Variants in BIN1 observed in about 807,000 individuals in gnomAD.
BIN1 encodes the protein myc box-dependent-interacting protein 1.
In BIN1, 53 loss-of-function variants were observed where a neutral mutation model predicts 82.0. The ratio of observed to expected loss-of-function variants is 0.65; its 90% confidence interval spans 0.52 to 0.81. The LOEUF is 0.81. BIN1 is among the 40% of genes least tolerant of loss of function. The pLI, the probability that BIN1 is intolerant of heterozygous loss-of-function variation, is 0.00. For synonymous variants in BIN1, 302 were observed against 328.0 expected (o/e 0.92, Z 0.86); for missense variants, 642 against 784.4 (o/e 0.82, Z 2.17).
At position 127,068,479 on chromosome 2, in the gene BIN1, C is replaced by T. The variant is rs1685443932; in HGVS notation, c.520-224G>A. ...CAAAAGGTGAGCGTGGTTAGCAGCA[C>T]AGGGGGCCCAGCAAGCACGGCCCTG... On this transcript the variant is annotated intron_variant, in intron 6 of 18. Coordinates refer to ENST00000316724, the MANE Select transcript of BIN1 (RefSeq NM_139343.3). This position sits in a 1 kb window ranked among gnomAD's most constrained non-coding sequence, Gnocchi z 4.9. 1.3e-5 allele frequency among the ~76,000 whole-genome samples: 2 copies of T among 152,144 alleles called. No individual in the cohort carries two copies. The highest frequency in any genetic ancestry group is 2.1e-4 in the South Asian group (1 of 4,834).
intron 2 of BIN1, among the ~76,000 whole-genome samples, chr2:127,073,782 C>A (rs2105110423): frequency 6.6e-6 from 1 of 152,318 alleles, no homozygotes; most frequent in African/African-American, 2.4e-5. Flanking sequence ...GCCCTGCAGC[C>A]TGGAAAGCTA....
At chr2:127,052,789 C>T (rs893473994) in intron 14 of BIN1, 28 of 264,012 alleles carry the variant, frequency 1.1e-4, no homozygotes, top group Admixed American at 2.0e-4. Context: ...GGACAGAGCC[C>T]AGGAGACCCT....
In BIN1 at chr2:127,096,823, C is replaced by T. The variant is rs1679662998; in HGVS notation, c.84+10037G>A. Among the ~76,000 whole-genome samples, 7 of 152,360 alleles carry T rather than the reference C, an allele frequency of 4.6e-5. No homozygotes were observed. The South Asian group carries it at 1.2e-3, about 27-fold the overall frequency. On this transcript the variant is annotated intron_variant, in intron 1 of 18. Transcript: ENST00000316724. ...GGCCCCTGCTTGCCCTGGACTCAGG[C>T]ATCTTGGCCTCAGCCCCAGAGAGAT...
In BIN1 at chr2:127,099,852, G is replaced by A. The variant is rs148808028; in HGVS notation, c.84+7008C>T. Among the ~76,000 whole-genome samples the A allele has an allele frequency of 2.4e-3, 358 of 150,216 alleles. 2 individuals carry two copies. The highest frequency in any genetic ancestry group is 8.5e-3 in the African/African-American group (344 of 40,664). ...GGAGTCTCGCTCTGTCGCCCAGGCCGGAGTGCAGTGGTGTGATCTCAGCTC... is the reference window on the plus strand; with the variant it reads ...GGAGTCTCGCTCTGTCGCCCAGGCCAGAGTGCAGTGGTGTGATCTCAGCTC... On this transcript the variant is annotated intron_variant, in intron 1 of 18. Transcript: ENST00000316724.
intron 13 of BIN1, 57 bp from the exon 14 acceptor site, chr2:127,053,502 G>A (rs1283183145): frequency 2.5e-5 from 40 of 1,602,114 alleles, no homozygotes; most frequent in South Asian, 1.7e-4. Flanking sequence ...GAGACAGGGC[G>A]GCAAGCAGTC....
rs1439794090 is a variant in BIN1 at position 127,082,652 on chromosome 2, G to A, written c.85-5946C>T. The stretch of plus-strand genomic sequence containing the variant: ...GAGCCAGTCTGAGGACAGTCCCGCA[G>A]ATCCCATAGTCACCTAGTTCCCCAG... On this transcript the variant is annotated intron_variant, in intron 1 of 18. Coordinates refer to ENST00000316724, the MANE Select transcript of BIN1 (RefSeq NM_139343.3). This position sits in a 1 kb window ranked among gnomAD's most constrained non-coding sequence, Gnocchi z 6.1. Among the ~76,000 whole-genome samples the A allele has an allele frequency of 6.6e-6, 1 of 152,138 alleles. No homozygotes were observed. Among genetic ancestry groups the A allele is most frequent in the Admixed American group, 6.5e-5 (1 of 15,278 alleles).
At position 127,068,257 on chromosome 2, in the gene BIN1, TG is replaced by T; in HGVS notation, c.520-3del. 1.2e-6 allele frequency: 2 copies of T among 1,610,958 alleles called. No homozygotes were observed. On this transcript the variant is annotated splice_region_variant and splice_polypyrimidine_tract_variant and intron_variant, in intron 6 of 18. Coordinates refer to ENST00000316724, the MANE Select transcript of BIN1 (RefSeq NM_139343.3). This position sits in a 1 kb window ranked among gnomAD's most constrained non-coding sequence, Gnocchi z 4.9. ...GGCTTTCTCAAGCAGCGAGACAGGC[TG>T]GGGTGGGGAGGTCAAGGCAAAGGAA...
chr2:127,048,478 C>T lies in BIN1; in HGVS notation c.*48G>A, dbSNP rs780130929. On this transcript the variant is annotated 3_prime_UTR_variant, in exon 19 of 19. Coordinates refer to ENST00000316724, the MANE Select transcript of BIN1 (RefSeq NM_139343.3). ...ACAAAAAAAAGAACCACACATTTTT[C>T]GGGAGGAGGTGTTCTTCACACGCCC... The T allele has an allele frequency of 2.2e-5, 34 of 1,528,448 alleles. No individual in the cohort carries two copies. Among genetic ancestry groups the T allele is most frequent in the South Asian group, 9.0e-5 (8 of 89,180 alleles). 94.7% of individuals were successfully genotyped at this position (1,528,448 alleles called of 1,614,324 possible).
Position 127,080,918 on chromosome 2 carries a change from G to T in BIN1, c.85-4212C>A, listed in dbSNP as rs140219878. Among the ~76,000 whole-genome samples the T allele has an allele frequency of 3.4e-3, 515 of 152,366 alleles. 1 individual carries two copies. The highest frequency in any genetic ancestry group is 0.012 in the African/African-American group (495 of 41,586). On this transcript the variant is annotated intron_variant, in intron 1 of 18. Transcript: ENST00000316724. ...AGGCTCCTCCCTAGAAAGGCTGGGT[G>T]GTTCACTGAGTTGACGCCATGCCTC...
intron 14 of BIN1, 108 bp downstream of exon 14, chr2:127,053,314 G>C (rs1178365620): frequency 6.8e-7 from 1 of 1,470,662 alleles, no homozygotes; most frequent in Non-Finnish European, 9.4e-7. Flanking sequence ...CGTGTGGGGG[G>C]TGTGTGGGGT....
chr2:127,079,305 A>G (rs1412056096), intron 1 of BIN1, among the ~76,000 whole-genome samples: 4 of 152,192 alleles, frequency 2.6e-5, no homozygotes, highest in African/African-American at 9.7e-5. Flanking sequence ...TGAAGTGAAC[A>G]CTGGCACCCT....
Position 127,050,408 on chromosome 2 carries a change from A to T in BIN1, c.1674+13T>A, listed in dbSNP as rs970643198. ...GGTCCCCCTGCGCTCTGGCGGCCCCACCCAGCCCTCACCTGCTCTTCAGGG... is the reference window on the plus strand; with the variant it reads ...GGTCCCCCTGCGCTCTGGCGGCCCCTCCCAGCCCTCACCTGCTCTTCAGGG... On this transcript the variant is annotated intron_variant, in intron 18 of 18. Coordinates refer to ENST00000316724, the MANE Select transcript of BIN1 (RefSeq NM_139343.3). The T allele has an allele frequency of 1.2e-6, 2 of 1,613,760 alleles. No individual in the cohort carries two copies. Among genetic ancestry groups the T allele is most frequent in the Non-Finnish European group, 8.5e-7 (1 of 1,179,890 alleles).
intron 1 of BIN1, among the ~76,000 whole-genome samples, chr2:127,088,572 C>A (rs568052320): frequency 2.0e-4 from 30 of 152,132 alleles, no homozygotes; most frequent in African/African-American, 7.2e-4. Flanking sequence ...CCTACCCCTA[C>A]CAAAAATAGT....
In BIN1 at chr2:127,049,350, G is replaced by C. The variant is rs193070621; in HGVS notation, c.1675-717C>G. On this transcript the variant is annotated intron_variant, in intron 18 of 18. Transcript: ENST00000316724. ...CCCAGCCAGGGCTGGCCCACTAGGAGGTCCATGAAGACCTGGGGGCTTAGG... is the reference window on the plus strand; with the variant it reads ...CCCAGCCAGGGCTGGCCCACTAGGACGTCCATGAAGACCTGGGGGCTTAGG... Among the ~76,000 whole-genome samples the C allele has an allele frequency of 3.4e-3, 524 of 152,252 alleles. 6 individuals carry two copies. The highest frequency in any genetic ancestry group is 0.012 in the African/African-American group (493 of 41,542).
At chr2:127,103,125 C>T (rs746670229) in intron 1 of BIN1, among the ~76,000 whole-genome samples, 17 of 152,160 alleles carry the variant, frequency 1.1e-4, no homozygotes, top group Non-Finnish European at 2.5e-4. Flanking sequence ...CCAGTGCCAT[C>T]ACTGAGGGCC....
chr2:127,069,872 G>A (rs1168163090), intron 5 of BIN1, 123 bp downstream of exon 5: 14 of 983,298 alleles, frequency 1.4e-5, no homozygotes, highest in South Asian at 4.4e-5. Context: ...GTGAAACACC[G>A]GGCCAGGCGC....
At chr2:127,080,587 G>A (rs571194289) in intron 1 of BIN1, among the ~76,000 whole-genome samples, 166 of 152,306 alleles carry the variant, frequency 1.1e-3, no homozygotes, top group Non-Finnish European at 7.4e-4. Context: ...AAAACTTGGC[G>A]GCGGACGAGA....
At chr2:127,081,852 C>T (rs1474491749) in intron 1 of BIN1, 19 of 1,287,748 alleles carry the variant, frequency 1.5e-5, no homozygotes, top group Admixed American at 2.3e-5. Context: ...ATCTCCTCCC[C>T]ACCTGCCTGC....
At chr2:127,101,010 GAT>G (rs1680281354) in intron 1 of BIN1, among the ~76,000 whole-genome samples, 3 of 139,684 alleles carry the variant, frequency 2.1e-5, no homozygotes, top group Admixed American at 6.9e-5. Flanking sequence ...GGGGGGTGGG[GAT>G]AGACTCAAAC....
Sources: allele counts gnomAD v4.1 joint callset (sites outside exome capture counted in the v4.1 genomes callset), GRCh38; gene constraint gnomAD v4.1.1; non-coding constraint Gnocchi (gnomAD v3.1); transcripts MANE v1.5; gene names NCBI Gene and HGNC (gene_info 2026-07-23, HGNC 2026-07-21).